The following LY86 variants were observed in gnomAD, a reference collection of about 807,000 sequenced individuals.
LY86 encodes MD-1, RP105-associated.
Under a neutral mutation model 17.3 loss-of-function variants are expected in LY86, and 20 were observed. The observed-to-expected ratio is 1.15, with a 90% CI of 0.81 to 1.68. The LOEUF (loss-of-function observed/expected upper bound fraction) is 1.68. LY86 is among the 40% of genes most tolerant of loss of function. The pLI is 0.00. For synonymous variants in LY86, 74 were observed against 70.6 expected (o/e 1.05, Z -0.24); for missense variants, 200 against 191.9 (o/e 1.04, Z -0.25).
chr6:6,635,039 C>CCCCA (rs1324357018), intron 3 of LY86, among the ~76,000 whole-genome samples: 1 of 152,188 alleles, frequency 6.6e-6, no homozygotes, highest in Non-Finnish European at 1.5e-5. Flanking sequence ...CCAGCCATGG[C>CCCCA]CCCACTACCA....
In LY86 at chr6:6,626,380, C is replaced by T. The variant is rs544835976; in HGVS notation, c.311C>T (p.Ala104Val). ...VLNFSYPICE[A>V]ALPKFSFCGR... ...AATTTCTCCTATCCCATCTGTGAGG[C>T]GGCTCTGCCCAAGTTTTCTTTCTGT... The change falls in exon 3 of 5, where the codon GCG (alanine) becomes GTG (valine). Residue 104 changes from alanine to valine, a missense_variant. Coordinates refer to ENST00000230568, the MANE Select transcript of LY86 (RefSeq NM_004271.4). 61 of 1,613,934 alleles carry T rather than the reference C, an allele frequency of 3.8e-5. No individual in the cohort carries two copies. The highest frequency in any genetic ancestry group is 2.0e-4 in the East Asian group (9 of 44,882).
intron 1 of LY86, among the ~76,000 whole-genome samples, chr6:6,594,701 A>C (rs966094200): frequency 6.6e-6 from 1 of 152,102 alleles, no homozygotes; most frequent in Admixed American, 6.5e-5. Flanking sequence ...TATTTATAAG[A>C]TCCTTTTCAG....
At chr6:6,650,006 G>A (rs1241980569) in intron 4 of LY86, among the ~76,000 whole-genome samples, 3 of 152,166 alleles carry the variant, frequency 2.0e-5, no homozygotes, top group African/African-American at 7.2e-5. Context: ...GGCATTTGTG[G>A]GGTTCCATAT....
chr6:6,633,956 G>A (rs895244584), intron 3 of LY86, among the ~76,000 whole-genome samples: 1 of 152,130 alleles, frequency 6.6e-6, no homozygotes, highest in Non-Finnish European at 1.5e-5. Context: ...AGTATCTGTA[G>A]GTCAAGGAAT....
intron 1 of LY86, among the ~76,000 whole-genome samples, chr6:6,608,851 A>G (rs1318192389): frequency 2.0e-5 from 3 of 152,232 alleles, no homozygotes; most frequent in Non-Finnish European, 4.4e-5. Context: ...TGATTGTTCA[A>G]CGGGTGAACT....
intron 1 of LY86, among the ~76,000 whole-genome samples, chr6:6,605,863 T>C (rs954543654): frequency 5.9e-5 from 9 of 151,512 alleles, no homozygotes; most frequent in African/African-American, 7.4e-5. Context: ...AGGGGGCATC[T>C]GGAGCTCTTC....
intron 1 of LY86, among the ~76,000 whole-genome samples, chr6:6,603,387 C>G (rs1192734681): frequency 6.6e-6 from 1 of 151,542 alleles, no homozygotes; most frequent in African/African-American, 2.4e-5. Context: ...ACCCACACAT[C>G]TAAGGAAACT....
At chr6:6,633,109 T>C (rs1421555044) in intron 3 of LY86, among the ~76,000 whole-genome samples, 1 of 152,166 alleles carries the variant, frequency 6.6e-6, no homozygotes, top group Admixed American at 6.5e-5. Flanking sequence ...AGAGCCAAAA[T>C]TTGGTTGTAA....
chr6:6,641,235 T>A (rs572461630), intron 3 of LY86, among the ~76,000 whole-genome samples: 108 of 152,368 alleles, frequency 7.1e-4, no homozygotes, highest in African/African-American at 2.4e-3. Flanking sequence ...CCATTTGACT[T>A]GCCAAAGAGT....
chr6:6,630,775 A>G (rs1346615547), intron 3 of LY86, among the ~76,000 whole-genome samples: 1 of 152,178 alleles, frequency 6.6e-6, no homozygotes, highest in Non-Finnish European at 1.5e-5. Flanking sequence ...AGCAATGACC[A>G]CAAGCCACAG....
At chr6:6,593,527 A>C (rs1760597427) in intron 1 of LY86, among the ~76,000 whole-genome samples, 1 of 152,234 alleles carries the variant, frequency 6.6e-6, no homozygotes, top group Non-Finnish European at 1.5e-5. Flanking sequence ...GGCTGTGTGA[A>C]GATTATGTGA....
At chr6:6,601,500 A>G (rs1254546787) in intron 1 of LY86, among the ~76,000 whole-genome samples, 1 of 152,208 alleles carries the variant, frequency 6.6e-6, no homozygotes, top group Non-Finnish European at 1.5e-5. Flanking sequence ...AGGCAGGCAG[A>G]TCACGAGGTC....
intron 1 of LY86, among the ~76,000 whole-genome samples, chr6:6,605,871 T>TA (rs751916024): frequency 2.0e-5 from 3 of 150,216 alleles, no homozygotes; most frequent in East Asian, 1.9e-4. Flanking sequence ...TCTGGAGCTC[T>TA]TCGTTTCTCG....
intron 1 of LY86, among the ~76,000 whole-genome samples, chr6:6,590,181 T>C (rs1760482881): frequency 6.7e-6 from 1 of 148,616 alleles, no homozygotes; most frequent in Admixed American, 6.7e-5. Context: ...TAAGATACCG[T>C]AGTCCCCCCC....
intron 1 of LY86, among the ~76,000 whole-genome samples, chr6:6,611,671 T>C (rs538310253): frequency 5.3e-5 from 8 of 152,250 alleles, no homozygotes; most frequent in Admixed American, 2.6e-4. Flanking sequence ...CCGCACCTTG[T>C]GGCTACGCTG....
intron 1 of LY86, among the ~76,000 whole-genome samples, chr6:6,600,857 CAG>C (rs1423636308): frequency 1.3e-5 from 2 of 152,010 alleles, no homozygotes; most frequent in Non-Finnish European, 2.9e-5. Flanking sequence ...CTCAAGTCTC[CAG>C]AGAGTAAATT....
chr6:6,595,716 A>T (rs1760691517), intron 1 of LY86, among the ~76,000 whole-genome samples: 1 of 152,318 alleles, frequency 6.6e-6, no homozygotes, highest in East Asian at 1.9e-4. Flanking sequence ...AATTAAAAGA[A>T]GTATATGTAG....
chr6:6,611,194 C>G (rs1237909638), intron 1 of LY86, among the ~76,000 whole-genome samples: 1 of 152,158 alleles, frequency 6.6e-6, no homozygotes, highest in African/African-American at 2.4e-5. Context: ...TTATGAAGAG[C>G]TTTTGTTGAC....
intron 1 of LY86, among the ~76,000 whole-genome samples, chr6:6,594,199 CAG>C (rs975178055): frequency 1.3e-5 from 2 of 152,204 alleles, no homozygotes; most frequent in African/African-American, 4.8e-5. Flanking sequence ...TCTACCTGGA[CAG>C]AGAAGTGGCT....
Sources: allele counts gnomAD v4.1 joint callset (sites outside exome capture counted in the v4.1 genomes callset), GRCh38; gene constraint gnomAD v4.1.1; transcripts MANE v1.5; gene names NCBI Gene and HGNC (gene_info 2026-07-23, HGNC 2026-07-21).